The following ATP8A2 variants were observed in gnomAD, a reference collection of about 807,000 sequenced individuals.
The protein encoded by ATP8A2 is ATPase phospholipid transporting 8A2.
In ATP8A2, 100 loss-of-function variants were observed where a neutral mutation model predicts 165.6. The observed-to-expected ratio is 0.60, with a 90% CI of 0.51 to 0.71. ATP8A2 has a LOEUF of 0.71. Among genes scored for constraint, ATP8A2 ranks in the 30% least tolerant of loss-of-function variants. The pLI, the probability that ATP8A2 is intolerant of heterozygous loss-of-function variation, is 0.00. For synonymous variants in ATP8A2, 543 were observed against 548.8 expected, an observed-to-expected ratio of 0.99 and a Z score of 0.15; for missense variants, 1,227 against 1,479.5, an observed-to-expected ratio of 0.83 and a Z score of 2.80.
chr13:25,523,136 A>T (rs2037724207), intron 2 of ATP8A2, among the ~76,000 whole-genome samples: 1 of 151,436 alleles, frequency 6.6e-6, no homozygotes, highest in African/African-American at 2.4e-5. Context: ...AAAAAAAAGA[A>T]TTTTTTCATC....
chr13:25,556,207 C>G lies in ATP8A2; in HGVS notation c.1263+1139C>G, dbSNP rs116100106. Reference sequence around the variant, plus strand: ...ATCTTCATACTGCTTTCCACAGTGGCTGAACTAATGTATACTCCCACCAAT... The same window carrying G: ...ATCTTCATACTGCTTTCCACAGTGGGTGAACTAATGTATACTCCCACCAAT... On this transcript the variant is annotated intron_variant, in intron 13 of 36. Coordinates refer to ENST00000381655, the MANE Select transcript of ATP8A2 (RefSeq NM_016529.6). 3.3e-3 allele frequency among the ~76,000 whole-genome samples: 500 copies of G among 152,326 alleles called. 5 individuals carry two copies. Among genetic ancestry groups the G allele is most frequent in the African/African-American group, 0.011 (475 of 41,578 alleles).
chr13:25,998,625 G>A (rs927614056), intron 35 of ATP8A2, among the ~76,000 whole-genome samples: 3 of 152,156 alleles, frequency 2.0e-5, no homozygotes, highest in Non-Finnish European at 4.4e-5. Flanking sequence ...CCTTGTCTGG[G>A]ACAGAGGAAA....
Position 25,553,709 on chromosome 13 carries a change from A to G in ATP8A2, c.1058-84A>G, listed in dbSNP as rs1029568700. 5.0e-6 allele frequency: 7 copies of G among 1,400,624 alleles called. No homozygotes were observed. The East Asian group carries it at 1.2e-4, about 23-fold the overall frequency. The allele number at this position is 1,400,624 out of a possible 1,614,324, so 86.8% of individuals were successfully genotyped here. A position where few individuals can be genotyped will look rare whatever the true frequency, so the allele number is the denominator to read the frequency against. On this transcript the variant is annotated intron_variant, in intron 11 of 36. Transcript: ENST00000381655. The stretch of plus-strand genomic sequence containing the variant: ...GTTCCTGACATGCAGGAGGTGCTCA[A>G]TAACTATTTTAACATGAATCTCTAA...
At chr13:25,530,416 G>A in intron 3 of ATP8A2, 146 bp from the exon 4 acceptor site, 1 of 653,910 alleles carries the variant, frequency 1.5e-6, no homozygotes, top group South Asian at 1.7e-5. Flanking sequence ...TACGTAGCTA[G>A]TTTTTAAAGT....
intron 25 of ATP8A2, among the ~76,000 whole-genome samples, chr13:25,713,283 C>A (rs555593172): frequency 6.6e-6 from 1 of 152,192 alleles, no homozygotes. Flanking sequence ...GTTCCCACTA[C>A]GTCTGTTTTT....
chr13:25,794,738 T>C (rs978519087), intron 27 of ATP8A2, among the ~76,000 whole-genome samples: 1 of 152,046 alleles, frequency 6.6e-6, no homozygotes, highest in African/African-American at 2.4e-5. Context: ...TGCTTCTTGG[T>C]ATTTGAATCA....
chr13:26,014,429 G>A (rs879144614), intron 36 of ATP8A2, among the ~76,000 whole-genome samples: 3 of 152,172 alleles, frequency 2.0e-5, no homozygotes, highest in Non-Finnish European at 4.4e-5. Flanking sequence ...TGTTAACAAT[G>A]TGTAAGAAAA....
intron 33 of ATP8A2, among the ~76,000 whole-genome samples, chr13:25,867,297 T>C (rs1015765100): frequency 1.3e-5 from 2 of 152,164 alleles, no homozygotes; most frequent in African/African-American, 4.8e-5. Flanking sequence ...TTCCTCATCT[T>C]CTCCAATTGT....
intron 33 of ATP8A2, among the ~76,000 whole-genome samples, chr13:25,937,252 C>A (rs888345327): frequency 4.4e-4 from 67 of 151,826 alleles, no homozygotes; most frequent in African/African-American, 1.4e-3. Context: ...CAAAATGTAC[C>A]CTTGTAGTAA....
At chr13:25,612,383 A>G (rs941705786) in intron 24 of ATP8A2, among the ~76,000 whole-genome samples, 3 of 152,020 alleles carry the variant, frequency 2.0e-5, no homozygotes, top group Admixed American at 6.6e-5. Flanking sequence ...TCTTGATTTC[A>G]TTGTTGACCC....
chr13:26,005,077 G>A (rs564936628), intron 35 of ATP8A2, among the ~76,000 whole-genome samples: 19 of 151,922 alleles, frequency 1.3e-4, no homozygotes, highest in Non-Finnish European at 2.7e-4. Context: ...TTAAGTGTTT[G>A]GTAGAATTCA....
In ATP8A2 at chr13:26,020,136, A is replaced by G; in HGVS notation, c.*151A>G. ...TAGCCAAGCAGTTTGTTAGTTACAT[A>G]TTCCCTCGCAAACCTGGAGTGCAGA... On this transcript the variant is annotated 3_prime_UTR_variant, in exon 37 of 37. Transcript: ENST00000381655. The G allele has an allele frequency of 1.6e-6, 1 of 636,126 alleles. No homozygotes were observed. The highest frequency in any genetic ancestry group is 2.6e-5 in the Admixed American group (1 of 37,926). 39.4% of individuals were successfully genotyped at this position (636,126 alleles called of 1,614,324 possible). A position where few individuals can be genotyped will look rare whatever the true frequency, so the allele number is the denominator to read the frequency against.
chr13:25,603,633 A>G (rs965370121), intron 24 of ATP8A2, among the ~76,000 whole-genome samples: 4 of 151,842 alleles, frequency 2.6e-5, no homozygotes, highest in African/African-American at 9.7e-5. Context: ...AGGTTGTGGT[A>G]TTGGTGATGG....
intron 27 of ATP8A2, among the ~76,000 whole-genome samples, chr13:25,788,761 C>T (rs1486187374): frequency 6.6e-6 from 1 of 152,180 alleles, no homozygotes; most frequent in Non-Finnish European, 1.5e-5. Context: ...GGGCTTGCTT[C>T]CTGTTTGTGC....
rs368496585 is a variant in ATP8A2 at position 25,560,583 on chromosome 13, T to C, written c.1397+818T>C. The stretch of plus-strand genomic sequence containing the variant: ...GATGTGGTGGCGGGTGCCTGTAATC[T>C]CAGCTACTCGGGAGGCTGAGGCAGG... On this transcript the variant is annotated intron_variant, in intron 15 of 36. Coordinates refer to ENST00000381655, the MANE Select transcript of ATP8A2 (RefSeq NM_016529.6). Among the ~76,000 whole-genome samples the C allele has an allele frequency of 2.7e-5, 4 of 149,472 alleles. No homozygotes were observed. The South Asian group carries it at 8.6e-4, about 32-fold the overall frequency.
chr13:25,501,899 CAG>C (rs1169405361), intron 2 of ATP8A2, among the ~76,000 whole-genome samples: 2 of 152,114 alleles, frequency 1.3e-5, no homozygotes, highest in African/African-American at 2.4e-5. Context: ...GTTCAGGACA[CAG>C]AAAGACATGC....
At chr13:25,393,714 C>A (rs930160780) in intron 1 of ATP8A2, among the ~76,000 whole-genome samples, 1 of 152,184 alleles carries the variant, frequency 6.6e-6, no homozygotes, top group African/African-American at 2.4e-5. Context: ...CTGTGCCCAG[C>A]CCCTATTTAT....
chr13:25,942,675 C>T (rs1033833386), intron 33 of ATP8A2, among the ~76,000 whole-genome samples: 4 of 152,226 alleles, frequency 2.6e-5, no homozygotes, highest in Admixed American at 6.5e-5. Flanking sequence ...CCACGCACCT[C>T]GGCCTCCCGA....
chr13:25,594,539 A>G (rs981591735), intron 24 of ATP8A2, among the ~76,000 whole-genome samples: 1 of 152,126 alleles, frequency 6.6e-6, no homozygotes, highest in East Asian at 1.9e-4. Flanking sequence ...AGCAGTATAC[A>G]CTGAACCCGA....
Sources: allele counts gnomAD v4.1 joint callset (sites outside exome capture counted in the v4.1 genomes callset), GRCh38; gene constraint gnomAD v4.1.1; transcripts MANE v1.5; gene names NCBI Gene and HGNC (gene_info 2026-07-23, HGNC 2026-07-21).